The following GMDS variants were observed in gnomAD, a reference collection of about 807,000 sequenced individuals.
GMDS encodes the protein GDP-mannose 4,6 dehydratase.
Under a neutral mutation model 49.9 loss-of-function variants are expected in GMDS, and 20 were observed. That is an observed-to-expected ratio of 0.40 (90% CI 0.28 to 0.58). The LOEUF (loss-of-function observed/expected upper bound fraction) is 0.58, where lower values mean the gene tolerates loss of function less well. GMDS is among the 20% of genes least tolerant of loss of function. The pLI, the probability that GMDS is intolerant of heterozygous loss-of-function variation, is 0.42. For synonymous variants in GMDS, 177 were observed against 178.6 expected, an observed-to-expected ratio of 0.99 and a Z score of 0.07; for missense variants, 362 against 481.4, an observed-to-expected ratio of 0.75 and a Z score of 2.32.
intron 1 of GMDS, among the ~76,000 whole-genome samples, chr6:2,148,582 G>A (rs1222065201): frequency 1.3e-5 from 2 of 152,068 alleles, no homozygotes; most frequent in East Asian, 1.9e-4. Flanking sequence ...CACCACGCCT[G>A]GCTAATTTTG....
intron 4 of GMDS, among the ~76,000 whole-genome samples, chr6:2,090,746 T>A (rs771552120): frequency 6.6e-6 from 1 of 152,188 alleles, no homozygotes; most frequent in Non-Finnish European, 1.5e-5. Flanking sequence ...TTTGAACGAC[T>A]CTTCTGCAAC....
At chr6:1,702,411 T>A (rs552722450) in intron 9 of GMDS, among the ~76,000 whole-genome samples, 1 of 152,358 alleles carries the variant, frequency 6.6e-6, no homozygotes, top group Admixed American at 6.5e-5. Context: ...TTTGCCCATT[T>A]AAGAGCTTGA....
chr6:1,726,433 AG>A lies in GMDS; in HGVS notation c.969del (p.Tyr324ThrfsTer20), dbSNP rs746324210. 6.2e-7 allele frequency: 1 copy of A among 1,612,482 alleles called. No homozygotes were observed. Reference protein sequence around the residue: ...GKVHVTVDLKYYRPTEVDFLQ... With the variant: ...GKVHVTVDLKXYRPTEVDFLQ... ...GTCCTTACCACTTCAGTTGGCCGGT[AG>A]TACTTGAGATCCACAGTCACGTGAA... On this transcript the variant is annotated frameshift_variant, in exon 9 of 11. Coordinates refer to ENST00000380815, the MANE Select transcript of GMDS (RefSeq NM_001500.4). LOFTEE classifies it high-confidence loss of function.
At chr6:1,642,796 G>T (rs1256241733) in intron 9 of GMDS, among the ~76,000 whole-genome samples, 1 of 152,204 alleles carries the variant, frequency 6.6e-6, no homozygotes, top group Non-Finnish European at 1.5e-5. Flanking sequence ...GGGCCTGGAC[G>T]GTCTGTCTCT....
intron 1 of GMDS, among the ~76,000 whole-genome samples, chr6:2,172,879 T>A (rs1778088183): frequency 6.6e-6 from 1 of 152,186 alleles, no homozygotes; most frequent in African/African-American, 2.4e-5. Context: ...TATCAGGCTT[T>A]GTACTGACAT....
At chr6:1,813,789 G>C (rs1173426335) in intron 7 of GMDS, among the ~76,000 whole-genome samples, 1 of 152,004 alleles carries the variant, frequency 6.6e-6, no homozygotes, top group Admixed American at 6.5e-5. Context: ...ATTTTTATTA[G>C]TATGAGTCAA....
chr6:1,724,221 G>A (rs1416736365), intron 9 of GMDS, among the ~76,000 whole-genome samples: 4 of 152,098 alleles, frequency 2.6e-5, no homozygotes, highest in Non-Finnish European at 5.9e-5. Flanking sequence ...CCAAATCGGT[G>A]GAAAAATAAA....
At chr6:2,012,436 C>T (rs1054861997) in intron 4 of GMDS, among the ~76,000 whole-genome samples, 32 of 151,670 alleles carry the variant, frequency 2.1e-4, no homozygotes, top group Non-Finnish European at 3.7e-4. Flanking sequence ...GTTAAAAGGA[C>T]GGACAGTTTT....
chr6:2,159,518 T>TC (rs1168929373), intron 1 of GMDS, among the ~76,000 whole-genome samples: 24 of 138,538 alleles, frequency 1.7e-4, no homozygotes, highest in African/African-American at 5.6e-4. Context: ...TTTTTTCTTT[T>TC]TTTTTTTTTT....
chr6:2,171,614 A>G (rs1778009236), intron 1 of GMDS, among the ~76,000 whole-genome samples: 1 of 152,226 alleles, frequency 6.6e-6, no homozygotes, highest in Non-Finnish European at 1.5e-5. Flanking sequence ...AGAAAATAAA[A>G]CTAACAAAAT....
At chr6:1,807,547 T>C (rs1290806488) in intron 7 of GMDS, among the ~76,000 whole-genome samples, 1 of 152,190 alleles carries the variant, frequency 6.6e-6, no homozygotes, top group Middle Eastern at 3.2e-3. Flanking sequence ...GTTTTGACAA[T>C]ACCTATACCA....
In GMDS at chr6:2,139,979, G is replaced by A. The variant is rs149562685; in HGVS notation, c.103-15248C>T. Among the ~76,000 whole-genome samples, 33 of 152,312 alleles carry A rather than the reference G, an allele frequency of 2.2e-4. No homozygotes were observed. The East Asian group carries it at 3.7e-3, about 17-fold the overall frequency. The stretch of plus-strand genomic sequence containing the variant: ...CGCAGGAGGAGTAGGTGTGCGAAGC[G>A]CGAGCAAAGTGTGTTTAGCCATGAA... On this transcript the variant is annotated intron_variant, in intron 1 of 10. Transcript: ENST00000380815.
At chr6:1,665,453 G>A (rs111415820) in intron 9 of GMDS, among the ~76,000 whole-genome samples, 75 of 152,242 alleles carry the variant, frequency 4.9e-4, no homozygotes, top group Middle Eastern at 3.4e-3. Context: ...CCTAAGAATC[G>A]AAAGTGACAA....
Position 1,900,095 on chromosome 6 carries a change from G to A in GMDS, c.771+30008C>T, listed in dbSNP as rs142532521. On this transcript the variant is annotated intron_variant, in intron 7 of 10. Coordinates refer to ENST00000380815, the MANE Select transcript of GMDS (RefSeq NM_001500.4). Reference sequence around the variant, plus strand: ...GCTTAAGTCACTCTATTTTCTACATGAACTGTCCCTTCCCTAGAAAGTCAA... The same window carrying A: ...GCTTAAGTCACTCTATTTTCTACATAAACTGTCCCTTCCCTAGAAAGTCAA... Among the ~76,000 whole-genome samples, 43 of 152,320 alleles carry A rather than the reference G, an allele frequency of 2.8e-4. No homozygotes were observed. In the East Asian group the frequency reaches 8.1e-3, roughly 29 times the overall value.
chr6:2,061,756 A>ACC (rs1771195911), intron 4 of GMDS, among the ~76,000 whole-genome samples: 1 of 148,372 alleles, frequency 6.7e-6, no homozygotes, highest in African/African-American at 2.5e-5. Context: ...TGAAGTGGTT[A>ACC]CCAACCCTCA....
chr6:2,016,462 C>G (rs1767908283), intron 4 of GMDS, among the ~76,000 whole-genome samples: 1 of 152,126 alleles, frequency 6.6e-6, no homozygotes, highest in Non-Finnish European at 1.5e-5. Flanking sequence ...GACTCAAAAG[C>G]TACCACAACC....
intron 4 of GMDS, among the ~76,000 whole-genome samples, chr6:2,103,888 A>G (rs1774066061): frequency 1.3e-5 from 2 of 152,266 alleles, no homozygotes; most frequent in African/African-American, 4.8e-5. Context: ...TGCATTCTTA[A>G]GCAATATATT....
chr6:1,838,536 G>C (rs999724015), intron 7 of GMDS, among the ~76,000 whole-genome samples: 1 of 152,130 alleles, frequency 6.6e-6, no homozygotes, highest in Non-Finnish European at 1.5e-5. Context: ...GTGAAATTTT[G>C]AGTTAGACAA....
chr6:1,809,413 A>T (rs1770317611), intron 7 of GMDS, among the ~76,000 whole-genome samples: 1 of 152,236 alleles, frequency 6.6e-6, no homozygotes, highest in African/African-American at 2.4e-5. Context: ...AATAAATTAC[A>T]TTCTAAAGCA....
Sources: gnomAD v4.1 joint callset for allele counts (sites outside exome capture counted in the v4.1 genomes callset) on GRCh38, gnomAD v4.1.1 for gene constraint, MANE v1.5 for transcripts, NCBI Gene and HGNC (gene_info 2026-07-23, HGNC 2026-07-21) for gene names.